Variants in TNR observed in about 807,000 individuals in gnomAD.
TNR encodes the protein tenascin R.
A neutral mutation model predicts 150.4 loss-of-function variants in TNR; 45 were observed. That is an observed-to-expected ratio of 0.30 (90% CI 0.24 to 0.38). The LOEUF is 0.38. Ranked by LOEUF, TNR falls within the 10% of genes least tolerant of loss-of-function variation. TNR has a pLI of 1.00. For missense variants in TNR, 1,544 were observed against 1,759.1 expected, an observed-to-expected ratio of 0.88 and a Z score of 2.19; for synonymous variants, 687 against 678.4, an observed-to-expected ratio of 1.01 and a Z score of -0.20.
intron 2 of TNR, among the ~76,000 whole-genome samples, chr1:175,431,070 C>A (rs1227294539): frequency 6.6e-6 from 1 of 152,134 alleles, no homozygotes; most frequent in South Asian, 2.1e-4. Context: ...GGGACGGAAT[C>A]TTTCACGGCT....
intron 1 of TNR, among the ~76,000 whole-genome samples, chr1:175,528,767 C>T (rs113398194): frequency 1.3e-5 from 2 of 152,164 alleles, no homozygotes; most frequent in Non-Finnish European, 2.9e-5. Flanking sequence ...CTGACCCCCT[C>T]TTATGTCCTT....
chr1:175,324,043 T>A (rs1238829058), intron 22 of TNR, among the ~76,000 whole-genome samples: 2 of 152,168 alleles, frequency 1.3e-5, no homozygotes, highest in African/African-American at 4.8e-5. Flanking sequence ...GATGTCTACC[T>A]TCCTGGGACC....
chr1:175,700,575 G>A (rs138558145), intron 1 of TNR, among the ~76,000 whole-genome samples: 1 of 152,298 alleles, frequency 6.6e-6, no homozygotes, highest in East Asian at 1.9e-4. Flanking sequence ...TGGAGACGGT[G>A]CACCGTGTAT....
intron 1 of TNR, among the ~76,000 whole-genome samples, chr1:175,672,886 C>T (rs914484800): frequency 6.6e-6 from 1 of 152,174 alleles, no homozygotes; most frequent in African/African-American, 2.4e-5. Context: ...ACTCTTTTCC[C>T]CCAATCAACA....
chr1:175,391,445 A>G lies in TNR; in HGVS notation c.1357-7T>C, dbSNP rs1476205438. ...TCACTCCCCCTTCATTGTTCTGGAC[A>G]GTGGGGAGAAGCAGAGAGCAAAAGA... is the stretch of plus-strand genomic sequence containing the variant. On this transcript the variant is annotated splice_region_variant and splice_polypyrimidine_tract_variant and intron_variant, in intron 6 of 22. Coordinates refer to ENST00000367674, the MANE Select transcript of TNR (RefSeq NM_003285.3). The G allele has an allele frequency of 6.2e-7, 1 of 1,612,262 alleles. No individual in the cohort carries two copies. Among genetic ancestry groups the G allele is most frequent in the Non-Finnish European group, 8.5e-7 (1 of 1,179,254 alleles).
At chr1:175,686,031 T>C (rs1474258748) in intron 1 of TNR, among the ~76,000 whole-genome samples, 1 of 152,106 alleles carries the variant, frequency 6.6e-6, no homozygotes, top group East Asian at 1.9e-4. Flanking sequence ...AGACTGGATC[T>C]CAATTTTGAT....
At chr1:175,739,746 A>C (rs1282341191) in intron 1 of TNR, among the ~76,000 whole-genome samples, 1 of 152,000 alleles carries the variant, frequency 6.6e-6, no homozygotes, top group Admixed American at 6.6e-5. Context: ...CTCAGCCATG[A>C]CCTTTGTGGA....
intron 18 of TNR, among the ~76,000 whole-genome samples, chr1:175,345,784 A>G (rs1333651577): frequency 6.6e-6 from 1 of 152,166 alleles, no homozygotes; most frequent in Non-Finnish European, 1.5e-5. Context: ...ATAAAGATAA[A>G]TGTCTCAGAA....
At chr1:175,409,624 A>G (rs1654119114) in intron 2 of TNR, among the ~76,000 whole-genome samples, 1 of 152,210 alleles carries the variant, frequency 6.6e-6, no homozygotes, top group African/African-American at 2.4e-5. Context: ...ACAAGGGTCT[A>G]TGTTGTTCTA....
chr1:175,357,921 AAGTT>A (rs1167794435), intron 15 of TNR, among the ~76,000 whole-genome samples: 1 of 152,170 alleles, frequency 6.6e-6, no homozygotes, highest in Non-Finnish European at 1.5e-5. Flanking sequence ...GAATGAATGG[AAGTT>A]CATTGCTCTG....
chr1:175,577,526 C>T (rs1480168289), intron 1 of TNR, among the ~76,000 whole-genome samples: 1 of 152,152 alleles, frequency 6.6e-6, no homozygotes, highest in Non-Finnish European at 1.5e-5. Context: ...ATGTCTGACA[C>T]TGCCCCACAC....
intron 6 of TNR, 89 bp from the exon 7 acceptor site, chr1:175,391,527 T>C (rs1653171253): frequency 1.4e-6 from 2 of 1,402,976 alleles, no homozygotes; most frequent in South Asian, 1.4e-5. Context: ...GGAATACTAA[T>C]TGTGGATTGT....
rs549496647 is a variant in TNR, at chr1:175,738,460, C to T, written c.-165+4766G>A. On this transcript the variant is annotated intron_variant, in intron 1 of 22. Coordinates refer to ENST00000367674, the MANE Select transcript of TNR (RefSeq NM_003285.3). ...GTATGATTTCACTTACATGTAGTAC[C>T]TAGGATAGTCAGGTTCATAGAGACA... Among the ~76,000 whole-genome samples, 252 of 152,216 alleles carry T rather than the reference C, an allele frequency of 1.7e-3. 1 individual carries two copies. The highest frequency in any genetic ancestry group is 5.3e-3 in the African/African-American group (221 of 41,530).
In TNR at chr1:175,394,816, C is replaced by T. The variant is rs796599333; in HGVS notation, c.1241-921G>A. Among the ~76,000 whole-genome samples, 18 of 152,282 alleles carry T rather than the reference C, an allele frequency of 1.2e-4. 1 individual carries two copies. The highest frequency in any genetic ancestry group is 2.9e-4 in the African/African-American group (12 of 41,558). The stretch of plus-strand genomic sequence containing the variant: ...TGTCAGGTGGTTTACATGATTTTGT[C>T]CTTGTCACCTGGGAGCTTGCCTGAG... On this transcript the variant is annotated intron_variant, in intron 5 of 22. Coordinates refer to ENST00000367674, the MANE Select transcript of TNR (RefSeq NM_003285.3).
At chr1:175,405,626 T>A (rs879326711) in intron 3 of TNR, among the ~76,000 whole-genome samples, 34,970 of 101,812 alleles carry the variant, frequency 0.34, 5,055 homozygotes, top group African/African-American at 0.47. Context: ...AGAGTGTGTG[T>A]GTGTGTGTGT....
chr1:175,491,861 G>A lies in TNR; in HGVS notation c.-64+36408C>T, dbSNP rs527733560. Among the ~76,000 whole-genome samples, 6 of 151,934 alleles carry A rather than the reference G, an allele frequency of 3.9e-5. No homozygotes were observed. In the South Asian group the frequency reaches 1.2e-3, roughly 32 times the overall value. ...AGACGGGGTTTCACTGTGTTAGCCA[G>A]GATGGTCTCGATCTCCTGACCTCGT... On this transcript the variant is annotated intron_variant, in intron 2 of 22. Coordinates refer to ENST00000367674, the MANE Select transcript of TNR (RefSeq NM_003285.3).
chr1:175,364,327 C>T (rs76721298), intron 12 of TNR, among the ~76,000 whole-genome samples: 4 of 142,528 alleles, frequency 2.8e-5, no homozygotes, highest in South Asian at 2.3e-4. Context: ...ATGCTATGGG[C>T]TTTTTTTTTT....
chr1:175,725,209 T>C (rs546062578), intron 1 of TNR, among the ~76,000 whole-genome samples: 1 of 152,318 alleles, frequency 6.6e-6, no homozygotes, highest in South Asian at 2.1e-4. Flanking sequence ...GTGCCATCTA[T>C]ACAGAAGGCA....
intron 1 of TNR, among the ~76,000 whole-genome samples, chr1:175,724,660 G>A (rs1667429561): frequency 6.6e-6 from 1 of 152,086 alleles, no homozygotes; most frequent in African/African-American, 2.4e-5. Context: ...TAATGTTTAT[G>A]TTTTATGTAC....
Sources: gnomAD v4.1 joint callset for allele counts (sites outside exome capture counted in the v4.1 genomes callset) on GRCh38, gnomAD v4.1.1 for gene constraint, MANE v1.5 for transcripts, NCBI Gene and HGNC (gene_info 2026-07-23, HGNC 2026-07-21) for gene names.